Variants in MIPOL1 observed in about 807,000 individuals in gnomAD.
MIPOL1 encodes mirror-image polydactyly gene 1 protein.
A neutral mutation model predicts 60.9 loss-of-function variants in MIPOL1; 57 were observed. The observed-to-expected ratio is 0.94, with a 90% CI of 0.76 to 1.17. The LOEUF is 1.17. Among genes scored for constraint, MIPOL1 ranks in the 50% most tolerant of loss-of-function variants. The pLI is 0.00. For synonymous variants in MIPOL1, 179 were observed against 168.8 expected, an observed-to-expected ratio of 1.06 and a Z score of -0.47; for missense variants, 551 against 511.6, an observed-to-expected ratio of 1.08 and a Z score of -0.74.
chr14:37,384,664 A>G (rs1267531005), intron 10 of MIPOL1, among the ~76,000 whole-genome samples: 1 of 151,960 alleles, frequency 6.6e-6, no homozygotes, highest in East Asian at 1.9e-4. Context: ...GAACTGATTG[A>G]TACTTACTTG....
intron 11 of MIPOL1, among the ~76,000 whole-genome samples, chr14:37,453,670 C>T (rs563718040): frequency 4.0e-5 from 6 of 151,778 alleles, no homozygotes; most frequent in Non-Finnish European, 7.4e-5. Context: ...TAAAATAATT[C>T]GTGTCATTTT....
intron 7 of MIPOL1, among the ~76,000 whole-genome samples, chr14:37,290,063 CTG>C (rs2084923516): frequency 6.6e-6 from 1 of 152,192 alleles, no homozygotes; most frequent in Admixed American, 6.5e-5. Context: ...TTCAAATTGG[CTG>C]TGTGTTATCC....
rs2095555769 is a variant in MIPOL1, at chr14:37,549,251, A to C, written c.*2280A>C. On this transcript the variant is annotated 3_prime_UTR_variant, in exon 13 of 13. Transcript: ENST00000684589. ...CAACTCTAAATCCTATAGTAACATG[A>C]GAATTCACTTCTTCTTGTAAAAATA... 1 of 151,948 alleles carries C rather than the reference A, an allele frequency of 6.6e-6. No individual in the cohort carries two copies. Among genetic ancestry groups the C allele is most frequent in the African/African-American group, 2.4e-5 (1 of 41,442 alleles). 9.4% of individuals were successfully genotyped at this position (151,948 alleles called of 1,614,324 possible).
chr14:37,212,010 G>A (rs997750383), intron 1 of MIPOL1, among the ~76,000 whole-genome samples: 1 of 152,112 alleles, frequency 6.6e-6, no homozygotes, highest in Middle Eastern at 3.4e-3. Context: ...CCCATTTCTG[G>A]CAGCATTCAT....
Position 37,500,108 on chromosome 14 carries a change from C to G in MIPOL1, c.1232C>G (p.Ala411Gly), listed in dbSNP as rs781601788. 4.3e-6 allele frequency: 7 copies of G among 1,611,328 alleles called. No individual in the cohort carries two copies. Among genetic ancestry groups the G allele is most frequent in the East Asian group, 2.2e-5 (1 of 44,848 alleles). ...MELQLQHARE[A>G]SQVANEKVQK... is the part of the protein sequence containing the mutation. ...TTACAACTTCAACATGCCAGAGAGG[C>G]CTCCCAAGTGGCCAATGAAAAAGTT... The change falls in exon 12 of 13, where the codon GCC (alanine) becomes GGC (glycine). Residue 411 changes from alanine (A) to glycine (G), a missense_variant. Physicochemically the swap from Ala to Gly is moderately conservative, Grantham distance 60 (BLOSUM62 0). Transcript: ENST00000684589.
At chr14:37,202,026 A>C (rs72669599) in intron 1 of MIPOL1, among the ~76,000 whole-genome samples, 2,811 of 152,166 alleles carry the variant, frequency 0.018, 39 homozygotes, top group Non-Finnish European at 0.029. Context: ...GTTGAGACAG[A>C]GTCTACCTTT....
chr14:37,523,320 G>A (rs891320612), intron 12 of MIPOL1, among the ~76,000 whole-genome samples: 35 of 152,108 alleles, frequency 2.3e-4, no homozygotes, highest in Admixed American at 2.3e-3. Flanking sequence ...ACTGGAAGTG[G>A]TTGTTTGTAT....
intron 11 of MIPOL1, among the ~76,000 whole-genome samples, chr14:37,428,906 C>G (rs530301280): frequency 6.6e-6 from 1 of 152,066 alleles, no homozygotes; most frequent in South Asian, 2.1e-4. Context: ...ATTAAACTTA[C>G]CACTGTAGCT....
chr14:37,545,087 T>C (rs2095542643), intron 12 of MIPOL1, among the ~76,000 whole-genome samples: 1 of 152,234 alleles, frequency 6.6e-6, no homozygotes, highest in Non-Finnish European at 1.5e-5. Context: ...TAGTTAGTAG[T>C]ATAAATTATA....
chr14:37,422,760 C>G lies in MIPOL1; in HGVS notation c.937-95C>G, dbSNP rs72674205. ...AACATTCATAGGTTTTTTTTTTTAA[C>G]TGTCAGTAATTTAAGACTACTGTTC... is the stretch of plus-strand genomic sequence containing the variant. On this transcript the variant is annotated intron_variant, in intron 10 of 12. Transcript: ENST00000684589. 42,795 of 681,838 alleles carry G rather than the reference C, an allele frequency of 0.063. 2,725 individuals are homozygous for G. The highest frequency in any genetic ancestry group is 0.27 in the East Asian group (8,530 of 31,050). 42.2% of individuals were successfully genotyped at this position (681,838 alleles called of 1,614,324 possible).
At chr14:37,491,186 T>A (rs2153605982) in intron 11 of MIPOL1, among the ~76,000 whole-genome samples, 1 of 152,276 alleles carries the variant, frequency 6.6e-6, no homozygotes, top group Admixed American at 6.5e-5. Context: ...TCTTAGATAA[T>A]CAGGAGCTGG....
chr14:37,326,663 C>T (rs1051661124), intron 9 of MIPOL1, among the ~76,000 whole-genome samples: 3 of 152,124 alleles, frequency 2.0e-5, no homozygotes, highest in Non-Finnish European at 4.4e-5. Flanking sequence ...AGTGGAAATC[C>T]ATGTTGCCGA....
In MIPOL1 at chr14:37,248,170, A is replaced by C. The variant is rs550540762; in HGVS notation, c.19+263A>C. ...ACAGAAAAGACATTGAGAGAGGGAG[A>C]AAAAAAAAGACACACCAGGAAATAG... On this transcript the variant is annotated intron_variant, in intron 3 of 12. Coordinates refer to ENST00000684589, the MANE Select transcript of MIPOL1 (RefSeq NM_001388067.1). Among the ~76,000 whole-genome samples, 393 of 151,374 alleles carry C rather than the reference A, an allele frequency of 2.6e-3. 2 individuals carry two copies. The highest frequency in any genetic ancestry group is 9.3e-3 in the African/African-American group (384 of 41,318).
intron 10 of MIPOL1, among the ~76,000 whole-genome samples, chr14:37,381,674 C>G (rs1161249950): frequency 6.6e-6 from 1 of 151,836 alleles, no homozygotes; most frequent in Non-Finnish European, 1.5e-5. Flanking sequence ...CCCCAATCTT[C>G]CAGGCTCAAG....
At chr14:37,270,744 T>C (rs2083243411) in intron 6 of MIPOL1, among the ~76,000 whole-genome samples, 1 of 151,496 alleles carries the variant, frequency 6.6e-6, no homozygotes. Context: ...ATTTGGGCAT[T>C]AAATGCATTG....
chr14:37,234,300 C>T (rs1227580289), intron 1 of MIPOL1, among the ~76,000 whole-genome samples: 1 of 151,400 alleles, frequency 6.6e-6, no homozygotes, highest in African/African-American at 2.4e-5. Flanking sequence ...GAACAATCTG[C>T]TGCAGTGAGC....
intron 11 of MIPOL1, among the ~76,000 whole-genome samples, chr14:37,440,305 A>G (rs2094221609): frequency 6.6e-6 from 1 of 152,228 alleles, no homozygotes; most frequent in African/African-American, 2.4e-5. Flanking sequence ...TATGTGGCAC[A>G]AGTACAGTTT....
At chr14:37,241,312 A>T (rs1487826734) in intron 1 of MIPOL1, among the ~76,000 whole-genome samples, 1 of 152,116 alleles carries the variant, frequency 6.6e-6, no homozygotes, top group Non-Finnish European at 1.5e-5. Flanking sequence ...AGGGCAGTCC[A>T]CTTTCCCCAG....
intron 11 of MIPOL1, among the ~76,000 whole-genome samples, chr14:37,451,900 C>T (rs1192010049): frequency 1.4e-5 from 2 of 147,028 alleles, no homozygotes; most frequent in South Asian, 4.2e-4. Flanking sequence ...CTGCAAGCTC[C>T]GCCTCCCGGG....
Sources: gnomAD v4.1 joint callset for allele counts (sites outside exome capture counted in the v4.1 genomes callset) on GRCh38, gnomAD v4.1.1 for gene constraint, MANE v1.5 for transcripts, NCBI Gene and HGNC (gene_info 2026-07-23, HGNC 2026-07-21) for gene names.